The following CDH12 variants were observed in gnomAD, a reference collection of about 807,000 sequenced individuals.
CDH12 encodes cadherin-12.
A neutral mutation model predicts 74.1 loss-of-function variants in CDH12; 41 were observed. The ratio of observed to expected loss-of-function variants is 0.55; its 90% CI spans 0.43 to 0.72. The LOEUF is 0.72. CDH12 is among the 30% of genes least tolerant of loss of function. CDH12 has a pLI of 0.00. For missense variants in CDH12, 945 were observed against 977.2 expected (o/e 0.97, Z 0.44); for synonymous variants, 399 against 355.0 (o/e 1.12, Z -1.39).
At chr5:22,579,629 TTTTA>T in intron 1 of CDH12, among the ~76,000 whole-genome samples, 2 of 152,254 alleles carry the variant, frequency 1.3e-5, no homozygotes, top group South Asian at 4.2e-4. Flanking sequence ...TTCTTTTCTT[TTTTA>T]TTTCATTGTT....
At chr5:22,538,609 C>A (rs1288158072) in intron 1 of CDH12, among the ~76,000 whole-genome samples, 1 of 152,224 alleles carries the variant, frequency 6.6e-6, no homozygotes, top group Non-Finnish European at 1.5e-5. Context: ...GCAAAAATCA[C>A]ACCCATTTGA....
chr5:21,847,175 C>G (rs1302697409), intron 7 of CDH12, among the ~76,000 whole-genome samples: 1 of 152,080 alleles, frequency 6.6e-6, no homozygotes, highest in African/African-American at 2.4e-5. Flanking sequence ...ATCTTCTTTT[C>G]TACAACTCCC....
intron 3 of CDH12, among the ~76,000 whole-genome samples, chr5:22,254,154 AC>A (rs1428373655): frequency 6.6e-6 from 1 of 151,906 alleles, no homozygotes; most frequent in African/African-American, 2.4e-5. Flanking sequence ...TAGTGCTGAA[AC>A]TTTTAGGTAT....
At chr5:22,110,110 T>C (rs549688320) in intron 4 of CDH12, among the ~76,000 whole-genome samples, 4 of 152,300 alleles carry the variant, frequency 2.6e-5, no homozygotes, top group African/African-American at 7.2e-5. Context: ...CATAATAAAA[T>C]GCTAGTTTCT....
intron 6 of CDH12, among the ~76,000 whole-genome samples, chr5:21,964,136 T>A (rs1267309857): frequency 6.6e-6 from 1 of 152,002 alleles, no homozygotes; most frequent in Non-Finnish European, 1.5e-5. Flanking sequence ...CTTAGGTGAC[T>A]TATTAGGAAA....
intron 1 of CDH12, among the ~76,000 whole-genome samples, chr5:22,520,669 T>C (rs1015319158): frequency 3.3e-5 from 5 of 152,174 alleles, no homozygotes; most frequent in Non-Finnish European, 7.4e-5. Context: ...TAGCTAATGA[T>C]GTCAACTAAA....
At chr5:22,105,350 C>T (rs1744374566) in intron 4 of CDH12, among the ~76,000 whole-genome samples, 1 of 150,952 alleles carries the variant, frequency 6.6e-6, no homozygotes, top group South Asian at 2.1e-4. Context: ...ACCTCGGCCC[C>T]CCAAAGTCCT....
intron 4 of CDH12, among the ~76,000 whole-genome samples, chr5:22,140,513 T>A (rs2150297233): frequency 6.6e-6 from 1 of 152,282 alleles, no homozygotes; most frequent in East Asian, 1.9e-4. Flanking sequence ...CACAACTGCC[T>A]CTGTGCATGT....
intron 1 of CDH12, among the ~76,000 whole-genome samples, chr5:22,773,143 G>A (rs1463110650): frequency 6.6e-6 from 1 of 151,888 alleles, no homozygotes. Flanking sequence ...CATAGAATTA[G>A]GAATAGCTAT....
At chr5:22,278,965 T>G (rs1580474758) in intron 3 of CDH12, among the ~76,000 whole-genome samples, 1 of 152,310 alleles carries the variant, frequency 6.6e-6, no homozygotes, top group East Asian at 1.9e-4. Context: ...TACAGAGAAA[T>G]ATATCTAAAT....
intron 5 of CDH12, among the ~76,000 whole-genome samples, chr5:22,003,218 A>G (rs1310164849): frequency 6.6e-6 from 1 of 152,176 alleles, no homozygotes; most frequent in Non-Finnish European, 1.5e-5. Flanking sequence ...AAAAAGAACT[A>G]TAATCGTCAC....
rs534471534 is a variant in CDH12, at chr5:22,371,633, A to G, written c.-333+33624T>C. 1.2e-4 allele frequency among the ~76,000 whole-genome samples: 19 copies of G among 152,274 alleles called. No homozygotes were observed. The South Asian group carries it at 3.9e-3, about 32-fold the overall frequency. The stretch of plus-strand genomic sequence containing the variant: ...GAACAGGGCTTTTTATTAGTATGTT[A>G]GTTAATCTTAAGCATTAGTCTGTTT... On this transcript the variant is annotated intron_variant, in intron 3 of 14. Coordinates refer to ENST00000382254, the MANE Select transcript of CDH12 (RefSeq NM_004061.5).
intron 1 of CDH12, among the ~76,000 whole-genome samples, chr5:22,506,179 C>A (rs923737611): frequency 2.0e-5 from 3 of 152,032 alleles, no homozygotes; most frequent in African/African-American, 7.2e-5. Flanking sequence ...TGTTTGAAAG[C>A]AAGTCAATAA....
chr5:22,557,895 T>G (rs1283206223), intron 1 of CDH12, among the ~76,000 whole-genome samples: 1 of 152,124 alleles, frequency 6.6e-6, no homozygotes, highest in Non-Finnish European at 1.5e-5. Context: ...TGTAACGTTT[T>G]ATTATTCAGT....
intron 6 of CDH12, among the ~76,000 whole-genome samples, chr5:21,913,156 T>G (rs2150065251): frequency 6.6e-6 from 1 of 152,306 alleles, no homozygotes; most frequent in Admixed American, 6.5e-5. Context: ...TTCTGGTTTC[T>G]ATGATTCATC....
chr5:22,412,862 G>A (rs1204353405), intron 2 of CDH12, among the ~76,000 whole-genome samples: 1 of 151,840 alleles, frequency 6.6e-6, no homozygotes, highest in Non-Finnish European at 1.5e-5. Context: ...TGCTCCATCT[G>A]TAATTCATAG....
intron 8 of CDH12, among the ~76,000 whole-genome samples, chr5:21,836,302 G>A (rs1453052692): frequency 2.6e-5 from 4 of 151,592 alleles, no homozygotes; most frequent in South Asian, 2.1e-4. Context: ...ATATAAACAC[G>A]TTTGTAGATA....
chr5:21,904,757 CCAAAG>C (rs1753559515), intron 6 of CDH12, among the ~76,000 whole-genome samples: 1 of 150,794 alleles, frequency 6.6e-6, no homozygotes, highest in Non-Finnish European at 1.5e-5. Flanking sequence ...CCAGCCTGAA[CCAAAG>C]CATGACAGTG....
intron 5 of CDH12, among the ~76,000 whole-genome samples, chr5:21,978,574 C>T (rs1033812183): frequency 5.3e-5 from 8 of 152,068 alleles, no homozygotes; most frequent in Admixed American, 2.0e-4. Flanking sequence ...TATATATACA[C>T]ACTATATAAA....
Sources: gnomAD v4.1 joint callset for allele counts (sites outside exome capture counted in the v4.1 genomes callset) on GRCh38, gnomAD v4.1.1 for gene constraint, MANE v1.5 for transcripts, NCBI Gene and HGNC (gene_info 2026-07-23, HGNC 2026-07-21) for gene names.